The following PIBF1 variants were observed in gnomAD, a reference collection of about 807,000 sequenced individuals.
PIBF1 encodes the protein progesterone-induced-blocking factor 1.
PIBF1 carries 90 observed loss-of-function variants against 112.5 expected under a neutral mutation model. That is an observed-to-expected ratio of 0.80 (90% CI 0.67 to 0.95). The LOEUF is 0.95. Among genes scored for constraint, PIBF1 ranks in the 40% least tolerant of loss-of-function variants. The pLI, the probability that PIBF1 is intolerant of heterozygous loss-of-function variation, is 0.00. For missense variants in PIBF1, 915 were observed against 852.3 expected (o/e 1.07, Z -0.92); for synonymous variants, 301 against 288.6 (o/e 1.04, Z -0.44).
chr13:72,897,943 G>C (rs888698128), intron 11 of PIBF1, among the ~76,000 whole-genome samples: 5 of 152,126 alleles, frequency 3.3e-5, no homozygotes, highest in Non-Finnish European at 7.4e-5. Context: ...GATTTAAACT[G>C]TACCTTGGAA....
chr13:72,905,080 TGGA>T (rs2040647793), intron 11 of PIBF1, among the ~76,000 whole-genome samples: 1 of 146,816 alleles, frequency 6.8e-6, no homozygotes, highest in African/African-American at 2.5e-5. Flanking sequence ...TTTTTTTTTT[TGGA>T]GACAGAGTCT....
intron 13 of PIBF1, among the ~76,000 whole-genome samples, chr13:72,930,318 G>T (rs1214810497): frequency 6.6e-6 from 1 of 151,860 alleles, no homozygotes. Flanking sequence ...CATGGATTCT[G>T]CAATTCACAG....
chr13:72,973,543 A>G (rs2042950168), intron 15 of PIBF1, 48 bp from the exon 16 acceptor site: 3 of 909,420 alleles, frequency 3.3e-6, no homozygotes, highest in Non-Finnish European at 5.2e-6. Flanking sequence ...TATTAACTAT[A>G]TTTATACTAA....
chr13:72,899,297 C>A (rs557867884), intron 11 of PIBF1, among the ~76,000 whole-genome samples: 122 of 152,162 alleles, frequency 8.0e-4, no homozygotes, highest in African/African-American at 2.8e-3. Context: ...ACCCTAATAC[C>A]AAACCAGGAA....
chr13:72,848,213 T>A (rs1264621086), intron 9 of PIBF1, among the ~76,000 whole-genome samples: 2 of 152,220 alleles, frequency 1.3e-5, no homozygotes, highest in Non-Finnish European at 2.9e-5. Context: ...TTCCTTGCAT[T>A]GCCAAACTCT....
chr13:72,800,857 A>G (rs1435566241), intron 5 of PIBF1, among the ~76,000 whole-genome samples: 1 of 152,244 alleles, frequency 6.6e-6, no homozygotes, highest in Admixed American at 6.5e-5. Flanking sequence ...ATTGAGTGCT[A>G]TATGGAGAGC....
intron 9 of PIBF1, among the ~76,000 whole-genome samples, chr13:72,837,403 TC>T (rs1249864184): frequency 6.6e-6 from 1 of 152,096 alleles, no homozygotes; most frequent in African/African-American, 2.4e-5. Context: ...AAAATTTTGT[TC>T]CAAGTAGCTC....
At chr13:72,881,480 G>A (rs1468536844) in intron 10 of PIBF1, among the ~76,000 whole-genome samples, 3 of 152,192 alleles carry the variant, frequency 2.0e-5, no homozygotes, top group African/African-American at 7.2e-5. Context: ...CACTTTGGGA[G>A]GCCAAGGCGG....
chr13:72,894,440 A>G (rs2040186644), intron 11 of PIBF1, among the ~76,000 whole-genome samples: 1 of 152,032 alleles, frequency 6.6e-6, no homozygotes, highest in Admixed American at 6.6e-5. Flanking sequence ...AGTACTTTTT[A>G]AAAAGAAATA....
intron 14 of PIBF1, among the ~76,000 whole-genome samples, chr13:72,960,097 G>A (rs376200600): frequency 1.1e-4 from 17 of 152,220 alleles, no homozygotes; most frequent in East Asian, 5.8e-4. Flanking sequence ...CAACTTTGGG[G>A]ATTTAGAAGC....
Position 72,853,320 on chromosome 13 carries a change from C to T in PIBF1, c.1224-737C>T, listed in dbSNP as rs115991679. On this transcript the variant is annotated intron_variant, in intron 9 of 17. Transcript: ENST00000326291. ...ACTTTTCCAGTACCCTAACTTCATACTTCTTTGAGCCCTACATGAATATTG... is the reference window on the plus strand; with the variant it reads ...ACTTTTCCAGTACCCTAACTTCATATTTCTTTGAGCCCTACATGAATATTG... 7.6e-3 allele frequency among the ~76,000 whole-genome samples: 1,162 copies of T among 152,264 alleles called. 17 individuals carry two copies. The highest frequency in any genetic ancestry group is 0.027 in the African/African-American group (1,128 of 41,562).
intron 14 of PIBF1, among the ~76,000 whole-genome samples, chr13:72,964,105 G>A (rs544124694): frequency 6.6e-6 from 1 of 152,212 alleles, no homozygotes; most frequent in East Asian, 1.9e-4. Context: ...AGAGATCAAT[G>A]GATAAACAAA....
chr13:72,875,465 C>T (rs929334561), intron 10 of PIBF1, among the ~76,000 whole-genome samples: 3 of 151,512 alleles, frequency 2.0e-5, no homozygotes, highest in African/African-American at 7.3e-5. Context: ...TAAGAAACCA[C>T]GAAATGTGTC....
At chr13:72,979,589 G>C (rs944840683) in intron 16 of PIBF1, among the ~76,000 whole-genome samples, 1 of 152,118 alleles carries the variant, frequency 6.6e-6, no homozygotes, top group African/African-American at 2.4e-5. Context: ...GATTGGTGAT[G>C]ATGAGGTGAA....
intron 12 of PIBF1, among the ~76,000 whole-genome samples, chr13:72,914,465 C>T (rs753405923): frequency 4.6e-5 from 7 of 152,038 alleles, no homozygotes; most frequent in African/African-American, 1.7e-4. Flanking sequence ...AGGCATTTGT[C>T]GAATTTCTCA....
Position 72,797,924 on chromosome 13 carries a change from A to G in PIBF1, c.570A>G (p.Leu190=), listed in dbSNP as rs1040800425. 6.2e-7 allele frequency: 1 copy of G among 1,602,404 alleles called. No individual in the cohort carries two copies. Among genetic ancestry groups the G allele is most frequent in the African/African-American group, 1.3e-5 (1 of 74,430 alleles). Residue 190 remains leucine, a synonymous_variant, in exon 5 of 18, where the codon CTA becomes CTG. Transcript: ENST00000326291. ...TTTTCAAGGTTCGCTTCTATGAGCT[A>G]GTGAATCCATTAAGAAAGGAAATCT... ...PEYVSVRFYE[L]VNPLRKEICE... is the part of the protein sequence containing the mutation.
At chr13:72,947,322 G>T (rs905206226) in intron 14 of PIBF1, among the ~76,000 whole-genome samples, 9 of 152,276 alleles carry the variant, frequency 5.9e-5, no homozygotes, top group Non-Finnish European at 1.2e-4. Context: ...GGGATGCAGG[G>T]CACCATGTCC....
At chr13:72,967,128 G>A (rs1032404190) in intron 15 of PIBF1, among the ~76,000 whole-genome samples, 2 of 151,890 alleles carry the variant, frequency 1.3e-5, no homozygotes, top group Non-Finnish European at 2.9e-5. Flanking sequence ...TGGAGACAGG[G>A]TTTCACCATG....
At chr13:72,975,335 G>A (rs1323807609) in intron 16 of PIBF1, among the ~76,000 whole-genome samples, 1 of 152,134 alleles carries the variant, frequency 6.6e-6, no homozygotes, top group Non-Finnish European at 1.5e-5. Flanking sequence ...GATTACAGGT[G>A]TGAGCCACCG....
Sources: allele counts gnomAD v4.1 joint callset (sites outside exome capture counted in the v4.1 genomes callset), GRCh38; gene constraint gnomAD v4.1.1; transcripts MANE v1.5; gene names NCBI Gene and HGNC (gene_info 2026-07-23, HGNC 2026-07-21).